The following LRRTM4 variants were observed in gnomAD, a reference collection of about 807,000 sequenced individuals.
The protein encoded by LRRTM4 is leucine-rich repeat transmembrane neuronal protein 4.
Under a neutral mutation model 47.6 loss-of-function variants are expected in LRRTM4, and 25 were observed. The ratio of observed to expected loss-of-function variants is 0.53; its 90% CI spans 0.38 to 0.73. The LOEUF (loss-of-function observed/expected upper bound fraction) is 0.73. Ranked by LOEUF, LRRTM4 falls within the 30% of genes least tolerant of loss-of-function variation. LRRTM4 has a pLI of 0.00. For missense variants in LRRTM4, 638 were observed against 713.4 expected, an observed-to-expected ratio of 0.89 and a Z score of 1.20; for synonymous variants, 311 against 269.5, an observed-to-expected ratio of 1.15 and a Z score of -1.51.
intron 3 of LRRTM4, among the ~76,000 whole-genome samples, chr2:76,982,572 G>C (rs940423547): frequency 6.6e-6 from 1 of 152,026 alleles, no homozygotes; most frequent in African/African-American, 2.4e-5. Context: ...CTTGTATCTA[G>C]AAGAGTCACC....
At chr2:77,067,508 C>A (rs1227128608) in intron 3 of LRRTM4, among the ~76,000 whole-genome samples, 1 of 151,680 alleles carries the variant, frequency 6.6e-6, no homozygotes, top group African/African-American at 2.4e-5. Context: ...AATGTAGATA[C>A]AACTAACAAA....
intron 3 of LRRTM4, among the ~76,000 whole-genome samples, chr2:76,789,411 C>G (rs559630646): frequency 6.6e-6 from 1 of 152,162 alleles, no homozygotes; most frequent in African/African-American, 2.4e-5. Flanking sequence ...TTTCCCAAAA[C>G]AATCAACTTC....
chr2:77,477,764 G>T (rs1287567756), intron 3 of LRRTM4, among the ~76,000 whole-genome samples: 1 of 150,454 alleles, frequency 6.6e-6, no homozygotes, highest in Admixed American at 6.6e-5. Context: ...CCTTGAACCC[G>T]GGAGGTAGAG....
At chr2:77,417,821 T>A (rs998945653) in intron 3 of LRRTM4, among the ~76,000 whole-genome samples, 18 of 151,734 alleles carry the variant, frequency 1.2e-4, no homozygotes, top group Admixed American at 4.6e-4. Flanking sequence ...AAATGACGAG[T>A]TACTGGGTGC....
chr2:76,902,816 C>A (rs781071809), intron 3 of LRRTM4, among the ~76,000 whole-genome samples: 7 of 152,050 alleles, frequency 4.6e-5, no homozygotes, highest in Non-Finnish European at 8.8e-5. Flanking sequence ...CATTAGATGG[C>A]CCCAAATTGA....
intron 3 of LRRTM4, among the ~76,000 whole-genome samples, chr2:76,767,136 C>T (rs1448081887): frequency 1.3e-5 from 2 of 152,172 alleles, no homozygotes; most frequent in East Asian, 3.9e-4. Flanking sequence ...ACAAAATTCC[C>T]TCTATTAAAT....
chr2:77,007,829 C>T (rs1456394124), intron 3 of LRRTM4, among the ~76,000 whole-genome samples: 4 of 151,628 alleles, frequency 2.6e-5, no homozygotes, highest in African/African-American at 9.7e-5. Flanking sequence ...CTGGAATCAG[C>T]TGCTGAGTAC....
chr2:77,505,895 A>T (rs1379595270), intron 3 of LRRTM4, among the ~76,000 whole-genome samples: 1 of 151,588 alleles, frequency 6.6e-6, no homozygotes, highest in African/African-American at 2.4e-5. Context: ...TTATTTCCAA[A>T]TTGATTCATA....
intron 3 of LRRTM4, among the ~76,000 whole-genome samples, chr2:77,088,223 A>G (rs7577099): frequency 0.046 from 6,952 of 152,292 alleles, 186 homozygotes; most frequent in South Asian, 0.083. Flanking sequence ...TGGCACATAA[A>G]TGGGTATCAC....
chr2:77,460,713 T>C (rs1254888805), intron 3 of LRRTM4, among the ~76,000 whole-genome samples: 16 of 152,184 alleles, frequency 1.1e-4, no homozygotes, highest in Non-Finnish European at 1.8e-4. Flanking sequence ...TTTGAATTGA[T>C]AGTCAGATAA....
intron 3 of LRRTM4, among the ~76,000 whole-genome samples, chr2:76,790,723 A>AT (rs1237474489): frequency 1.3e-5 from 2 of 151,422 alleles, no homozygotes; most frequent in African/African-American, 4.9e-5. Flanking sequence ...CCTCAGTGAA[A>AT]TTTAACAGGC....
intron 3 of LRRTM4, among the ~76,000 whole-genome samples, chr2:77,135,686 A>G (rs1671916604): frequency 6.6e-6 from 1 of 152,184 alleles, no homozygotes; most frequent in South Asian, 2.1e-4. Context: ...TCAATGAAAA[A>G]TTGAGTATAA....
rs187462208 is a variant in LRRTM4 at position 76,944,263 on chromosome 2, C to T, written c.1552-195347G>A. On this transcript the variant is annotated intron_variant, in intron 3 of 3. Coordinates refer to ENST00000409884, the MANE Select transcript of LRRTM4 (RefSeq NM_001134745.3). The stretch of plus-strand genomic sequence containing the variant: ...ATTCCTCTCTTTTATGCTCCTGACT[C>T]ATCTTCCTATGTCATCTCCTTCAGT... Among the ~76,000 whole-genome samples the T allele has an allele frequency of 4.1e-4, 62 of 152,212 alleles. 1 individual carries two copies. The highest frequency in any genetic ancestry group is 5.9e-4 in the Non-Finnish European group (40 of 68,012).
chr2:77,316,776 C>T (rs552665942), intron 3 of LRRTM4, among the ~76,000 whole-genome samples: 15 of 152,228 alleles, frequency 9.9e-5, no homozygotes, highest in African/African-American at 3.4e-4. Flanking sequence ...AAACTCCTGA[C>T]CTCAAACGAT....
At chr2:76,917,421 G>A (rs556861477) in intron 3 of LRRTM4, among the ~76,000 whole-genome samples, 1 of 152,078 alleles carries the variant, frequency 6.6e-6, no homozygotes, top group East Asian at 1.9e-4. Context: ...ATCTCCATTG[G>A]AGGAGTTAAC....
At chr2:76,874,133 T>G (rs889625478) in intron 3 of LRRTM4, among the ~76,000 whole-genome samples, 18 of 151,750 alleles carry the variant, frequency 1.2e-4, no homozygotes, top group Admixed American at 6.6e-5. Flanking sequence ...CTCGGAACAT[T>G]TGCGTTAGAA....
intron 3 of LRRTM4, among the ~76,000 whole-genome samples, chr2:76,807,105 C>T (rs1051537038): frequency 4.6e-5 from 7 of 151,946 alleles, no homozygotes; most frequent in Admixed American, 2.0e-4. Flanking sequence ...TTAACTGCTA[C>T]AAACCTACCC....
At chr2:76,832,802 A>G (rs1267119468) in intron 3 of LRRTM4, among the ~76,000 whole-genome samples, 3 of 152,084 alleles carry the variant, frequency 2.0e-5, no homozygotes, top group South Asian at 4.1e-4. Flanking sequence ...TATAGATATG[A>G]ATGATGACAG....
intron 3 of LRRTM4, among the ~76,000 whole-genome samples, chr2:77,157,711 G>C (rs1672596654): frequency 6.6e-6 from 1 of 152,004 alleles, no homozygotes; most frequent in Non-Finnish European, 1.5e-5. Flanking sequence ...TCATTATTAA[G>C]ATATTTATGT....
Sources: gnomAD v4.1 joint callset for allele counts (sites outside exome capture counted in the v4.1 genomes callset) on GRCh38, gnomAD v4.1.1 for gene constraint, MANE v1.5 for transcripts, NCBI Gene and HGNC (gene_info 2026-07-23, HGNC 2026-07-21) for gene names.